The following SMOC2 variants were observed in gnomAD, a reference collection of about 807,000 sequenced individuals.
SMOC2 encodes SPARC-related modular calcium-binding protein 2.
SMOC2 carries 39 observed loss-of-function variants against 61.4 expected under a neutral mutation model. The observed-to-expected ratio is 0.64, with a 90% CI of 0.49 to 0.83. SMOC2 has a LOEUF of 0.83. Ranked by LOEUF, SMOC2 falls within the 40% of genes least tolerant of loss-of-function variation. The pLI is 0.00. For missense variants in SMOC2, 556 were observed against 592.9 expected (o/e 0.94, Z 0.65); for synonymous variants, 247 against 239.9 (o/e 1.03, Z -0.27).
chr6:168,468,645 G>A (rs973970211), intron 1 of SMOC2, among the ~76,000 whole-genome samples: 3 of 152,078 alleles, frequency 2.0e-5, no homozygotes, highest in Non-Finnish European at 4.4e-5. Flanking sequence ...AGCGATTCTC[G>A]TGCCTCAGCC....
At position 168,667,231 on chromosome 6, in the gene SMOC2, C is replaced by T. The variant is rs1018048392; in HGVS notation, c.*793C>T. 3 of 152,174 alleles carry T rather than the reference C, an allele frequency of 2.0e-5. No individual in the cohort carries two copies. Among genetic ancestry groups the T allele is most frequent in the Non-Finnish European group, 4.4e-5 (3 of 68,050 alleles). 9.4% of individuals were successfully genotyped at this position (152,174 alleles called of 1,614,324 possible). A position where few individuals can be genotyped will look rare whatever the true frequency, so the allele number is the denominator to read the frequency against. On this transcript the variant is annotated 3_prime_UTR_variant, in exon 13 of 13. Coordinates refer to ENST00000356284, the MANE Select transcript of SMOC2 (RefSeq NM_001166412.2). ...TCCTTCCAAAATGTAAATCCAGTCG[C>T]GGTGTGACCGAGCTGGCTAACAGGC...
intron 8 of SMOC2, among the ~76,000 whole-genome samples, chr6:168,603,893 C>A (rs1370988270): frequency 3.9e-5 from 6 of 152,158 alleles, no homozygotes; most frequent in Admixed American, 3.9e-4. Flanking sequence ...GCCCCAGAAC[C>A]CAGTGCAGTT....
At chr6:168,639,585 G>C (rs1786840074) in intron 9 of SMOC2, among the ~76,000 whole-genome samples, 1 of 152,092 alleles carries the variant, frequency 6.6e-6, no homozygotes, top group African/African-American at 2.4e-5. Context: ...TTGTACTTTT[G>C]AATATTAGAA....
chr6:168,519,113 GTGTA>G (rs59633376), intron 2 of SMOC2, among the ~76,000 whole-genome samples: 27,324 of 150,382 alleles, frequency 0.18, 2,850 homozygotes, highest in East Asian at 0.35. Context: ...GTGAACGCGT[GTGTA>G]TGCATGCATG....
intron 1 of SMOC2, among the ~76,000 whole-genome samples, chr6:168,498,730 G>T: frequency 6.7e-6 from 1 of 149,908 alleles, no homozygotes; most frequent in Admixed American, 6.6e-5. Context: ...TCTCTGGGGG[G>T]ATGGCCAGGG....
chr6:168,466,771 G>A (rs561062521), intron 1 of SMOC2, among the ~76,000 whole-genome samples: 14 of 152,338 alleles, frequency 9.2e-5, no homozygotes, highest in Middle Eastern at 3.4e-3. Flanking sequence ...GGGAGGAAGC[G>A]GGATGGGGAG....
intron 1 of SMOC2, among the ~76,000 whole-genome samples, chr6:168,509,645 C>G (rs1782959197): frequency 6.6e-6 from 1 of 152,176 alleles, no homozygotes; most frequent in African/African-American, 2.4e-5. Flanking sequence ...ACGTGCACCC[C>G]CTTCAAAGAT....
intron 7 of SMOC2, among the ~76,000 whole-genome samples, chr6:168,557,886 T>G (rs756879652): frequency 1.1e-4 from 16 of 152,256 alleles, no homozygotes; most frequent in Non-Finnish European, 1.5e-4. Flanking sequence ...GAAGTTCATT[T>G]TTCAAAATCT....
intron 1 of SMOC2, among the ~76,000 whole-genome samples, chr6:168,507,284 T>A (rs77847375): frequency 1.3e-5 from 2 of 152,340 alleles, no homozygotes; most frequent in East Asian, 3.9e-4. Context: ...TTCCATCTTT[T>A]CATCTACAGT....
At chr6:168,661,618 A>G (rs901857445) in intron 11 of SMOC2, among the ~76,000 whole-genome samples, 5 of 152,192 alleles carry the variant, frequency 3.3e-5, no homozygotes, top group Admixed American at 1.3e-4. Flanking sequence ...CCCCAAAAAA[A>G]AGAATATTAG....
At chr6:168,639,982 T>C (rs1562398969) in intron 9 of SMOC2, among the ~76,000 whole-genome samples, 1 of 152,234 alleles carries the variant, frequency 6.6e-6, no homozygotes, top group Non-Finnish European at 1.5e-5. Context: ...CCATCACCTT[T>C]GCCTGCTTTG....
Position 168,652,937 on chromosome 6 carries a change from A to T in SMOC2, c.1011-17A>T. The T allele has an allele frequency of 1.2e-6, 2 of 1,610,010 alleles. No homozygotes were observed. The highest frequency in any genetic ancestry group is 8.5e-7 in the Non-Finnish European group (1 of 1,178,148). On this transcript the variant is annotated splice_polypyrimidine_tract_variant and intron_variant, in intron 10 of 12. Transcript: ENST00000356284. The stretch of plus-strand genomic sequence containing the variant: ...CCAGGGGTTTAAGCATCCTGACGGC[A>T]TCTGTGTTCCTTCCAGGCTCTCAGA...
Position 168,615,922 on chromosome 6 carries a change from G to C in SMOC2, c.907+7683G>C, listed in dbSNP as rs185775582. On this transcript the variant is annotated intron_variant, in intron 9 of 12. Transcript: ENST00000356284. Reference sequence around the variant, plus strand: ...GAAGATTAGTTATGGTTTTCTGAGAGAGCATAAAATGAACCTTACCTTGCC... The same window carrying C: ...GAAGATTAGTTATGGTTTTCTGAGACAGCATAAAATGAACCTTACCTTGCC... Among the ~76,000 whole-genome samples, 3 of 152,344 alleles carry C rather than the reference G, an allele frequency of 2.0e-5. No homozygotes were observed. The East Asian group carries it at 5.8e-4, about 29-fold the overall frequency.
rs373426429 is a variant in SMOC2, at chr6:168,664,776, A to C, written c.1323+665A>C. On this transcript the variant is annotated intron_variant, in intron 12 of 12. Transcript: ENST00000356284. ...TCCTCCAGACCCAAAGCCACAACCC[A>C]TCGCAAGTCAAGAACACTTTCCAGA... 68 of 471,180 alleles carry C rather than the reference A, an allele frequency of 1.4e-4. 1 individual carries two copies. The East Asian group carries it at 1.5e-3, about 10-fold the overall frequency. The allele number at this position is 471,180 out of a possible 1,614,324, so 29.2% of individuals were successfully genotyped here.
intron 4 of SMOC2, among the ~76,000 whole-genome samples, chr6:168,542,430 T>A (rs1363939781): frequency 6.6e-6 from 1 of 152,236 alleles, no homozygotes; most frequent in African/African-American, 2.4e-5. Context: ...TTTTATCCCC[T>A]GGGGACACTA....
At chr6:168,655,369 T>G (rs998205147) in intron 11 of SMOC2, 1 of 455,626 alleles carries the variant, frequency 2.2e-6, no homozygotes, top group Non-Finnish European at 4.4e-6. Context: ...CTTTTTTTTG[T>G]GGGCCTGGCC....
At chr6:168,582,591 G>C (rs1310577202) in intron 7 of SMOC2, among the ~76,000 whole-genome samples, 3 of 152,290 alleles carry the variant, frequency 2.0e-5, no homozygotes, top group East Asian at 3.9e-4. Context: ...AGTTGTTGCC[G>C]ATTTTGAATG....
chr6:168,459,884 G>A (rs1008341661), intron 1 of SMOC2, among the ~76,000 whole-genome samples: 1 of 152,040 alleles, frequency 6.6e-6, no homozygotes, highest in African/African-American at 2.4e-5. Flanking sequence ...GTGAGACCTT[G>A]GTGAGAAGAG....
At chr6:168,519,189 G>GCATGCA (rs1783261461) in intron 2 of SMOC2, among the ~76,000 whole-genome samples, 1 of 148,704 alleles carries the variant, frequency 6.7e-6, no homozygotes, top group Non-Finnish European at 1.5e-5. Context: ...ATGCGTGCAT[G>GCATGCA]TGTATGTGTG....
Sources: gnomAD v4.1 joint callset for allele counts (sites outside exome capture counted in the v4.1 genomes callset) on GRCh38, gnomAD v4.1.1 for gene constraint, MANE v1.5 for transcripts, NCBI Gene and HGNC (gene_info 2026-07-23, HGNC 2026-07-21) for gene names.